Variants in COG5 observed in about 807,000 individuals in gnomAD.
COG5 encodes component of oligomeric golgi complex 5, also known as conserved oligomeric Golgi complex subunit 5.
Under a neutral mutation model 110.4 loss-of-function variants are expected in COG5, and 86 were observed. That is an observed-to-expected ratio of 0.78 (90% CI 0.65 to 0.93). The LOEUF (loss-of-function observed/expected upper bound fraction) is 0.93. Ranked by LOEUF, COG5 falls within the 40% of genes least tolerant of loss-of-function variation. The probability of loss-of-function intolerance (pLI) is 0.00; values close to 1 mark genes in which losing one functional copy is unlikely to be tolerated. For synonymous variants in COG5, 360 were observed against 334.6 expected (o/e 1.08, Z -0.83); for missense variants, 1,077 against 987.0 (o/e 1.09, Z -1.22).
chr7:107,411,097 T>C (rs1584787804), intron 7 of COG5, among the ~76,000 whole-genome samples: 1 of 152,160 alleles, frequency 6.6e-6, no homozygotes, highest in South Asian at 2.1e-4. Flanking sequence ...GATTAGGAGA[T>C]GAAAACAACC....
intron 6 of COG5, among the ~76,000 whole-genome samples, chr7:107,447,818 C>T (rs539211483): frequency 3.9e-5 from 6 of 152,216 alleles, no homozygotes; most frequent in African/African-American, 9.6e-5. Context: ...GGCTTTTATT[C>T]GGATTATAAA....
chr7:107,341,173 CAA>C (rs1038068242), intron 10 of COG5, among the ~76,000 whole-genome samples: 1 of 152,060 alleles, frequency 6.6e-6, no homozygotes, highest in African/African-American at 2.4e-5. Context: ...GTGATTATAG[CAA>C]AGTTTCAGGA....
At chr7:107,318,801 G>C (rs559135292) in intron 11 of COG5, among the ~76,000 whole-genome samples, 1 of 152,226 alleles carries the variant, frequency 6.6e-6, no homozygotes, top group East Asian at 1.9e-4. Context: ...TTCCATAAAC[G>C]CCCTATCTCC....
At chr7:107,423,335 T>G (rs1373260478) in intron 6 of COG5, among the ~76,000 whole-genome samples, 1 of 152,142 alleles carries the variant, frequency 6.6e-6, no homozygotes, top group African/African-American at 2.4e-5. Context: ...ACTATGGACC[T>G]CACAGACATA....
chr7:107,519,707 C>G (rs1800190340), intron 6 of COG5, among the ~76,000 whole-genome samples: 1 of 152,104 alleles, frequency 6.6e-6, no homozygotes, highest in Non-Finnish European at 1.5e-5. Context: ...CCGAATTCTG[C>G]CAGAGGTACA....
intron 7 of COG5, among the ~76,000 whole-genome samples, chr7:107,403,245 G>T (rs1791569488): frequency 6.6e-6 from 1 of 152,146 alleles, no homozygotes; most frequent in Non-Finnish European, 1.5e-5. Flanking sequence ...TCTGGCTGCT[G>T]TAACAAAATA....
intron 19 of COG5, among the ~76,000 whole-genome samples, chr7:107,217,508 A>G (rs1799611655): frequency 6.6e-6 from 1 of 152,122 alleles, no homozygotes; most frequent in Non-Finnish European, 1.5e-5. Context: ...AACAAATCCA[A>G]TTCTACGGCA....
chr7:107,388,242 C>A (rs573760747), intron 7 of COG5, among the ~76,000 whole-genome samples: 2 of 152,328 alleles, frequency 1.3e-5, no homozygotes, highest in African/African-American at 4.8e-5. Context: ...CCACACAACC[C>A]TGAATTTGGA....
intron 7 of COG5, among the ~76,000 whole-genome samples, chr7:107,393,006 A>G (rs1790736003): frequency 6.6e-6 from 1 of 152,196 alleles, no homozygotes. Flanking sequence ...GGGGAGCTTG[A>G]TGGTTTTAAG....
chr7:107,249,604 A>G (rs1383897738), intron 16 of COG5, among the ~76,000 whole-genome samples: 1 of 152,088 alleles, frequency 6.6e-6, no homozygotes, highest in Non-Finnish European at 1.5e-5. Context: ...ATCAATGAGC[A>G]AAGGTAAAAT....
At chr7:107,374,343 G>A (rs1814448241) in intron 7 of COG5, among the ~76,000 whole-genome samples, 1 of 151,972 alleles carries the variant, frequency 6.6e-6, no homozygotes, top group Admixed American at 6.6e-5. Flanking sequence ...ATCCAAGAAA[G>A]CACTACTGGA....
Position 107,372,577 on chromosome 7 carries a change from T to C in COG5, c.835+18A>G, listed in dbSNP as rs1012578372. 1 of 1,611,968 alleles carries C rather than the reference T, an allele frequency of 6.2e-7. No homozygotes were observed. The highest frequency in any genetic ancestry group is 1.1e-5 in the South Asian group (1 of 91,038). On this transcript the variant is annotated intron_variant, in intron 8 of 21. Transcript: ENST00000297135. The stretch of plus-strand genomic sequence containing the variant: ...GTTATAAATAAATAAAGAAGCTAAA[T>C]ATAAACCACATCCATACCTCTCACA...
At chr7:107,455,896 C>A (rs1009314593) in intron 6 of COG5, among the ~76,000 whole-genome samples, 1 of 151,770 alleles carries the variant, frequency 6.6e-6, no homozygotes, top group Non-Finnish European at 1.5e-5. Context: ...CGCGTTCAAG[C>A]GATTCTTGTG....
intron 14 of COG5, among the ~76,000 whole-genome samples, chr7:107,262,250 C>T (rs1231191743): frequency 6.6e-6 from 1 of 152,120 alleles, no homozygotes; most frequent in African/African-American, 2.4e-5. Context: ...AATGTACCAC[C>T]TTCTCATGCT....
chr7:107,261,911 T>TA (rs1803391470), intron 14 of COG5, among the ~76,000 whole-genome samples: 1 of 151,558 alleles, frequency 6.6e-6, no homozygotes, highest in African/African-American at 2.4e-5. Flanking sequence ...TTTTTTTTTT[T>TA]AAAGATAGGC....
intron 10 of COG5, among the ~76,000 whole-genome samples, chr7:107,330,595 A>T (rs1810152433): frequency 6.6e-6 from 1 of 152,198 alleles, no homozygotes; most frequent in African/African-American, 2.4e-5. Context: ...CACATTGAAT[A>T]AGGTCCAAAT....
At chr7:107,324,343 A>T (rs1026633545) in intron 11 of COG5, 97 bp downstream of exon 11, 4 of 762,338 alleles carry the variant, frequency 5.2e-6, no homozygotes, top group Non-Finnish European at 6.5e-6. Flanking sequence ...TAGCAATAAA[A>T]ATGTTTTGTA....
chr7:107,222,189 A>T (rs1799979348), intron 19 of COG5, among the ~76,000 whole-genome samples: 1 of 151,786 alleles, frequency 6.6e-6, no homozygotes, highest in Admixed American at 6.6e-5. Context: ...TCTTCTGGGT[A>T]ATCACCTGTC....
At chr7:107,341,754 A>G (rs1811187455) in intron 10 of COG5, among the ~76,000 whole-genome samples, 1 of 152,148 alleles carries the variant, frequency 6.6e-6, no homozygotes. Context: ...ATAAAATACA[A>G]AAGTCTACAA....
Sources: gnomAD v4.1 joint callset for allele counts (sites outside exome capture counted in the v4.1 genomes callset) on GRCh38, gnomAD v4.1.1 for gene constraint, MANE v1.5 for transcripts, NCBI Gene and HGNC (gene_info 2026-07-23, HGNC 2026-07-21) for gene names.